TESK2: variants seen among roughly 807,000 people sequenced by gnomAD.
TESK2 encodes the protein dual specificity testis-specific protein kinase 2.
In TESK2, 39 loss-of-function variants were observed where a neutral mutation model predicts 57.1. The ratio of observed to expected loss-of-function variants is 0.68; its 90% CI spans 0.53 to 0.89. The LOEUF is 0.89. Among genes scored for constraint, TESK2 ranks in the 40% least tolerant of loss-of-function variants. The probability of loss-of-function intolerance (pLI) is 0.00; values close to 1 mark genes in which losing one functional copy is unlikely to be tolerated. For missense variants in TESK2, 646 were observed against 732.1 expected (o/e 0.88, Z 1.36); for synonymous variants, 249 against 267.9 (o/e 0.93, Z 0.69).
intron 2 of TESK2, among the ~76,000 whole-genome samples, chr1:45,427,837 T>G: frequency 6.6e-6 from 1 of 151,974 alleles, no homozygotes; most frequent in Non-Finnish European, 1.5e-5. Flanking sequence ...ATGAAGAAGA[T>G]TTAGTACAAC....
intron 3 of TESK2, among the ~76,000 whole-genome samples, chr1:45,388,165 T>C (rs1280161528): frequency 6.6e-6 from 1 of 152,290 alleles, no homozygotes; most frequent in East Asian, 1.9e-4. Context: ...ATGTTGAAAG[T>C]ATTAAGGACA....
At chr1:45,454,798 A>G (rs1321405884) in intron 2 of TESK2, among the ~76,000 whole-genome samples, 2 of 152,194 alleles carry the variant, frequency 1.3e-5, no homozygotes, top group Non-Finnish European at 2.9e-5. Flanking sequence ...ATATATACAC[A>G]ATGCAATATT....
chr1:45,412,306 G>T (rs373550960), intron 3 of TESK2, among the ~76,000 whole-genome samples: 13 of 152,152 alleles, frequency 8.5e-5, no homozygotes, highest in Non-Finnish European at 1.5e-4. Context: ...CCACATATAC[G>T]GGAAGGAATA....
At chr1:45,404,910 T>C (rs1366543828) in intron 3 of TESK2, among the ~76,000 whole-genome samples, 3 of 152,066 alleles carry the variant, frequency 2.0e-5, no homozygotes, top group African/African-American at 4.8e-5. Flanking sequence ...AATGAGCAAA[T>C]GGCGGAGTCA....
chr1:45,466,071 G>A (rs1652538963), intron 1 of TESK2, among the ~76,000 whole-genome samples: 1 of 152,162 alleles, frequency 6.6e-6, no homozygotes, highest in South Asian at 2.1e-4. Context: ...AATCGGGCAT[G>A]GTGCCTTACG....
intron 5 of TESK2, among the ~76,000 whole-genome samples, chr1:45,353,028 A>G (rs1316712373): frequency 1.3e-5 from 2 of 151,992 alleles, no homozygotes; most frequent in African/African-American, 2.4e-5. Flanking sequence ...CCTCCCGAGT[A>G]GCTGGGATTA....
intron 4 of TESK2, among the ~76,000 whole-genome samples, chr1:45,366,655 C>G (rs1028583254): frequency 6.6e-6 from 1 of 152,078 alleles, no homozygotes; most frequent in Admixed American, 6.5e-5. Flanking sequence ...TTGTAAAACT[C>G]AGTGAAATTG....
At chr1:45,486,804 C>CACACAA (rs1653497776) in intron 1 of TESK2, among the ~76,000 whole-genome samples, 1 of 148,328 alleles carries the variant, frequency 6.7e-6, no homozygotes, top group Non-Finnish European at 1.5e-5. Flanking sequence ...CACACACACA[C>CACACAA]ACACACACAC....
intron 2 of TESK2, among the ~76,000 whole-genome samples, chr1:45,453,446 A>G (rs747792381): frequency 3.3e-5 from 5 of 152,076 alleles, no homozygotes; most frequent in African/African-American, 4.8e-5. Context: ...TGGGGAAAGG[A>G]CAGTCTTTTC....
intron 2 of TESK2, among the ~76,000 whole-genome samples, chr1:45,451,776 G>T (rs995180167): frequency 6.6e-5 from 10 of 152,090 alleles, no homozygotes; most frequent in Non-Finnish European, 1.5e-4. Context: ...GCTCACACCT[G>T]TAATCTCAAC....
intron 5 of TESK2, among the ~76,000 whole-genome samples, chr1:45,353,367 C>T (rs1647286649): frequency 6.6e-6 from 1 of 152,224 alleles, no homozygotes. Context: ...TTCCCAGTTT[C>T]TACTTGCCAG....
chr1:45,462,563 C>T (rs1307842339), intron 1 of TESK2, among the ~76,000 whole-genome samples: 1 of 152,192 alleles, frequency 6.6e-6, no homozygotes, highest in Non-Finnish European at 1.5e-5. Context: ...TGAGCCACCG[C>T]GCCCGGCAGA....
chr1:45,478,153 T>C (rs1178528453), intron 1 of TESK2, among the ~76,000 whole-genome samples: 2 of 152,208 alleles, frequency 1.3e-5, no homozygotes, highest in African/African-American at 4.8e-5. Context: ...AGAGAATTGC[T>C]ATATTTGTAG....
At chr1:45,435,040 T>C (rs1435861628) in intron 2 of TESK2, among the ~76,000 whole-genome samples, 2 of 151,550 alleles carry the variant, frequency 1.3e-5, no homozygotes, top group East Asian at 3.9e-4. Context: ...CATAATTCAC[T>C]GCAATCTTGA....
intron 1 of TESK2, among the ~76,000 whole-genome samples, chr1:45,482,055 G>GT (rs1653248832): frequency 6.6e-6 from 1 of 152,154 alleles, no homozygotes; most frequent in Non-Finnish European, 1.5e-5. Flanking sequence ...TCGTCTCCAC[G>GT]TGAGCAGTTC....
Position 45,352,567 on chromosome 1 carries a change from G to A in TESK2, c.540+2736C>T, listed in dbSNP as rs149006303. On this transcript the variant is annotated intron_variant, in intron 5 of 10. Coordinates refer to ENST00000372086, the MANE Select transcript of TESK2 (RefSeq NM_007170.3). ...GGAAGCCTAGCTACCCTGGCCTAGA[G>A]TGATCTTTCCTGCTCAGAAAACTTG... Among the ~76,000 whole-genome samples the A allele has an allele frequency of 7.9e-5, 12 of 152,308 alleles. No individual in the cohort carries two copies. In the East Asian group the frequency reaches 1.7e-3, roughly 22 times the overall value.
In TESK2 at chr1:45,453,478, T is replaced by G. The variant is rs180961665; in HGVS notation, c.222+4086A>C. On this transcript the variant is annotated intron_variant, in intron 2 of 10. Coordinates refer to ENST00000372086, the MANE Select transcript of TESK2 (RefSeq NM_007170.3). ...TTTCAACAAATGGTGCTTGTAAAAT[T>G]TGGTATCCTCAAGCAAAAGAATGAA... Among the ~76,000 whole-genome samples the G allele has an allele frequency of 1.1e-4, 16 of 152,124 alleles. No individual in the cohort carries two copies. In the East Asian group the frequency reaches 2.9e-3, roughly 27 times the overall value.
intron 2 of TESK2, among the ~76,000 whole-genome samples, chr1:45,442,841 A>C (rs1470489446): frequency 6.6e-6 from 1 of 152,138 alleles, no homozygotes; most frequent in Non-Finnish European, 1.5e-5. Flanking sequence ...GCTGGAGTGC[A>C]GTGGCGTGAT....
chr1:45,428,395 T>G (rs1570719927), intron 2 of TESK2, among the ~76,000 whole-genome samples: 1 of 152,126 alleles, frequency 6.6e-6, no homozygotes, highest in Non-Finnish European at 1.5e-5. Flanking sequence ...TGCATAAATA[T>G]TCTACCAAGG....
Sources: gnomAD v4.1 joint callset for allele counts (sites outside exome capture counted in the v4.1 genomes callset) on GRCh38, gnomAD v4.1.1 for gene constraint, MANE v1.5 for transcripts, NCBI Gene and HGNC (gene_info 2026-07-23, HGNC 2026-07-21) for gene names.